The following MARCHF1 variants were observed in gnomAD, a reference collection of about 807,000 sequenced individuals.
The protein encoded by MARCHF1 is E3 ubiquitin-protein ligase MARCHF1.
Under a neutral mutation model 54.2 loss-of-function variants are expected in MARCHF1, and 40 were observed. That is an observed-to-expected ratio of 0.74 (90% CI 0.57 to 0.96). The LOEUF (loss-of-function observed/expected upper bound fraction) is 0.96, where lower values mean the gene tolerates loss of function less well. MARCHF1 is among the 40% of genes least tolerant of loss of function. MARCHF1 has a pLI of 0.00. For missense variants in MARCHF1, 586 were observed against 656.5 expected (o/e 0.89, Z 1.17); for synonymous variants, 236 against 236.3 (o/e 1.00, Z 0.01).
chr4:163,881,203 G>A (rs1414872051), intron 3 of MARCHF1, among the ~76,000 whole-genome samples: 1 of 152,162 alleles, frequency 6.6e-6, no homozygotes, highest in African/African-American at 2.4e-5. Context: ...GGCCGGGCAT[G>A]GTGGCTCATG....
chr4:163,656,754 C>T (rs1347069167), intron 5 of MARCHF1, among the ~76,000 whole-genome samples: 2 of 151,936 alleles, frequency 1.3e-5, no homozygotes, highest in African/African-American at 2.4e-5. Context: ...GTTCAACATA[C>T]ACAAATCAAT....
At chr4:163,593,192 G>A (rs939677574) in intron 7 of MARCHF1, among the ~76,000 whole-genome samples, 6 of 152,180 alleles carry the variant, frequency 3.9e-5, no homozygotes, top group African/African-American at 7.2e-5. Context: ...ACGAATATCC[G>A]AAGGTTATGA....
chr4:164,091,410 T>TTA (rs1553980469), intron 2 of MARCHF1, among the ~76,000 whole-genome samples: 4,945 of 136,874 alleles, frequency 0.036, 184 homozygotes, highest in African/African-American at 0.096. Context: ...TCACCAAGTT[T>TTA]TATATATATA....
At chr4:163,838,214 G>A (rs1261096336) in intron 4 of MARCHF1, among the ~76,000 whole-genome samples, 1 of 152,084 alleles carries the variant, frequency 6.6e-6, no homozygotes, top group Non-Finnish European at 1.5e-5. Context: ...TGGATGGATG[G>A]TCAGGTTCCT....
intron 5 of MARCHF1, among the ~76,000 whole-genome samples, chr4:163,686,396 A>G (rs1282834232): frequency 6.6e-6 from 1 of 151,220 alleles, no homozygotes; most frequent in Non-Finnish European, 1.5e-5. Flanking sequence ...CGTAATAGGG[A>G]ATAAGATAAG....
chr4:164,115,298 G>T (rs1755917520), intron 1 of MARCHF1, among the ~76,000 whole-genome samples: 1 of 152,032 alleles, frequency 6.6e-6, no homozygotes, highest in Non-Finnish European at 1.5e-5. Context: ...CACAGTGTTA[G>T]ATATTTATAA....
At chr4:164,251,925 A>G (rs926385598) in intron 1 of MARCHF1, among the ~76,000 whole-genome samples, 4 of 152,208 alleles carry the variant, frequency 2.6e-5, no homozygotes, top group Non-Finnish European at 5.9e-5. Context: ...AATAGATTTT[A>G]AAAATTATTT....
intron 2 of MARCHF1, among the ~76,000 whole-genome samples, chr4:164,074,385 T>TA (rs1169740864): frequency 6.6e-6 from 1 of 152,200 alleles, no homozygotes; most frequent in Non-Finnish European, 1.5e-5. Context: ...CCAGAGTATG[T>TA]AACAGGTACA....
At chr4:163,551,357 G>C (rs923465152) in intron 8 of MARCHF1, among the ~76,000 whole-genome samples, 18 of 152,208 alleles carry the variant, frequency 1.2e-4, no homozygotes, top group Non-Finnish European at 7.3e-5. Context: ...ATTATGAGGA[G>C]TAACTCTTGA....
chr4:164,126,085 T>C (rs954398450), intron 1 of MARCHF1, among the ~76,000 whole-genome samples: 6 of 152,212 alleles, frequency 3.9e-5, no homozygotes, highest in African/African-American at 1.4e-4. Flanking sequence ...CCAGTCTTCA[T>C]CCTTTAATTG....
chr4:164,308,285 C>A (rs562082961), intron 1 of MARCHF1, among the ~76,000 whole-genome samples: 1 of 152,184 alleles, frequency 6.6e-6, no homozygotes, highest in Admixed American at 6.5e-5. Flanking sequence ...GCAAACATTA[C>A]CTTAGAAATT....
intron 3 of MARCHF1, among the ~76,000 whole-genome samples, chr4:163,942,181 G>C (rs1010055658): frequency 6.6e-6 from 1 of 152,144 alleles, no homozygotes; most frequent in East Asian, 1.9e-4. Context: ...AAGCAGTAAG[G>C]TTTCACATCA....
intron 1 of MARCHF1, among the ~76,000 whole-genome samples, chr4:164,160,001 G>A (rs1404247575): frequency 6.6e-6 from 1 of 151,996 alleles, no homozygotes. Flanking sequence ...TCTGAACCAG[G>A]ACCTAGCTTT....
intron 2 of MARCHF1, among the ~76,000 whole-genome samples, chr4:164,101,908 G>C (rs544925102): frequency 6.8e-4 from 103 of 151,300 alleles, no homozygotes; most frequent in Admixed American, 9.3e-4. Context: ...CCAATACAGA[G>C]AAGTGCTTAA....
intron 1 of MARCHF1, chr4:164,188,825 C>G: frequency 2.5e-6 from 2 of 799,186 alleles, no homozygotes; most frequent in Non-Finnish European, 4.6e-6. Context: ...TGCCATGGTT[C>G]TCACTAAAAT....
In MARCHF1 at chr4:163,729,144, T is replaced by G. The variant is rs1745754466; in HGVS notation, c.112-28281A>C. Reference sequence around the variant, plus strand: ...CCCACTGGTCAAGGCATTTAATTCTTTTTATACATTATTGGATTCAATCTG... The same window carrying G: ...CCCACTGGTCAAGGCATTTAATTCTGTTTATACATTATTGGATTCAATCTG... On this transcript the variant is annotated intron_variant, in intron 4 of 9. Coordinates refer to ENST00000514618, the MANE Select transcript of MARCHF1 (RefSeq NM_001394959.1). 2.6e-5 allele frequency among the ~76,000 whole-genome samples: 4 copies of G among 152,280 alleles called. No individual in the cohort carries two copies. In the South Asian group the frequency reaches 6.2e-4, roughly 24 times the overall value.
chr4:163,940,576 T>C (rs1311004453), intron 3 of MARCHF1, among the ~76,000 whole-genome samples: 1 of 152,074 alleles, frequency 6.6e-6, no homozygotes, highest in African/African-American at 2.4e-5. Context: ...GTATGGGAAA[T>C]GCATCAGGTG....
At chr4:163,760,421 T>G (rs887183224) in intron 4 of MARCHF1, among the ~76,000 whole-genome samples, 1 of 152,222 alleles carries the variant, frequency 6.6e-6, no homozygotes, top group South Asian at 2.1e-4. Context: ...TGCAGGCATC[T>G]TTGAGGGCCA....
intron 1 of MARCHF1, among the ~76,000 whole-genome samples, chr4:164,218,458 G>A (rs1414957071): frequency 6.6e-6 from 1 of 151,954 alleles, no homozygotes; most frequent in Non-Finnish European, 1.5e-5. Flanking sequence ...ATGAAGCAAT[G>A]AGCCAGAGAA....
Sources: allele counts gnomAD v4.1 joint callset (sites outside exome capture counted in the v4.1 genomes callset), GRCh38; gene constraint gnomAD v4.1.1; transcripts MANE v1.5; gene names NCBI Gene and HGNC (gene_info 2026-07-23, HGNC 2026-07-21).